PPP2R5B: variants seen among roughly 807,000 people sequenced by gnomAD.
PPP2R5B encodes protein phosphatase 2 regulatory subunit B'beta.
In PPP2R5B, 19 loss-of-function variants were observed where a neutral mutation model predicts 59.9. That is an observed-to-expected ratio of 0.32 (90% CI 0.22 to 0.47). PPP2R5B has a LOEUF of 0.47. PPP2R5B is among the 20% of genes least tolerant of loss of function. The probability of loss-of-function intolerance (pLI) is 1.00; values close to 1 mark genes in which losing one functional copy is unlikely to be tolerated. For missense variants in PPP2R5B, 441 were observed against 640.2 expected, an observed-to-expected ratio of 0.69 and a Z score of 3.36; for synonymous variants, 286 against 260.5, an observed-to-expected ratio of 1.10 and a Z score of -0.94.
In PPP2R5B at chr11:64,931,050, A is replaced by G. The variant is rs1209792815; in HGVS notation, c.892-386A>G. Among the ~76,000 whole-genome samples the G allele has an allele frequency of 6.6e-6, 1 of 152,026 alleles. No individual in the cohort carries two copies. Among genetic ancestry groups the G allele is most frequent in the Non-Finnish European group, 1.5e-5 (1 of 68,008 alleles). ...GCCACATGCCTGGCTAATTAAAAAAAATTTTTTTTTTGTAGAGACAGTGTC... is the reference window on the plus strand; with the variant it reads ...GCCACATGCCTGGCTAATTAAAAAAGATTTTTTTTTTGTAGAGACAGTGTC... On this transcript the variant is annotated intron_variant, in intron 8 of 13. Transcript: ENST00000164133. The surrounding 1 kb of genome is among the most constrained non-coding windows in gnomAD (Gnocchi z 5.0).
At chr11:64,920,714 C>T (rs1945101950), upstream of PPP2R5B, among the ~76,000 whole-genome samples, 1 of 150,046 alleles carries the variant, frequency 6.7e-6, no homozygotes, top group South Asian at 2.1e-4. Flanking sequence ...GCTGCAACTT[C>T]TGCCTCCTGG....
At chr11:64,932,980 G>A (rs1239298513) in intron 12 of PPP2R5B, 88 bp downstream of exon 12, 1 of 1,560,400 alleles carries the variant, frequency 6.4e-7, no homozygotes, top group Non-Finnish European at 8.8e-7. Context: ...CCTAGCTGGA[G>A]AATATCAGAG....
upstream of PPP2R5B, among the ~76,000 whole-genome samples, chr11:64,923,370 G>A (rs534228668): frequency 1.3e-5 from 2 of 152,314 alleles, no homozygotes; most frequent in Admixed American, 6.5e-5. Context: ...AGCTTGTTCA[G>A]GGATGCAGAA....
At chr11:64,929,616 C>T (rs1328388333) in intron 6 of PPP2R5B, among the ~76,000 whole-genome samples, 1 of 152,194 alleles carries the variant, frequency 6.6e-6, no homozygotes, top group East Asian at 1.9e-4. Flanking sequence ...ATCCCAGCTA[C>T]TCAGGAGGCT....
chr11:64,931,806 G>A lies in PPP2R5B; in HGVS notation c.1054G>A (p.Val352Met), dbSNP rs759647455. The A allele has an allele frequency of 6.2e-7, 1 of 1,614,062 alleles. No homozygotes were observed. Among genetic ancestry groups the A allele is most frequent in the East Asian group, 2.2e-5 (1 of 44,880 alleles). Residue 352 changes from valine (V) to methionine (M), a missense_variant, in exon 11 of 14, where the codon GTG becomes ATG. Physicochemically the swap from Val to Met is conservative, Grantham distance 21 (BLOSUM62 1). Coordinates refer to ENST00000164133, the MANE Select transcript of PPP2R5B (RefSeq NM_006244.4). The surrounding 1 kb of genome is among the most constrained non-coding windows in gnomAD (Gnocchi z 5.0). ...ILDVIEPSQF[V>M]KIQEPLFKQV... ...TGATGTCATCGAGCCCTCCCAGTTT[G>A]TGAAGATCCAGGAGCCCCTTTTTAA...
At chr11:64,933,316 G>A (rs1239987760) in intron 13 of PPP2R5B, 70 bp downstream of exon 13, 1 of 1,341,532 alleles carries the variant, frequency 7.5e-7, no homozygotes, top group Non-Finnish European at 1.1e-6. Flanking sequence ...ATGGCTGGAG[G>A]GAACCCGAGG....
At chr11:64,928,756 C>T (rs1280514030) in intron 6 of PPP2R5B, among the ~76,000 whole-genome samples, 2 of 152,126 alleles carry the variant, frequency 1.3e-5, no homozygotes, top group East Asian at 1.9e-4. Context: ...CGGTGGCGGG[C>T]GCCTGTAGTC....
rs944723889 is a variant in PPP2R5B, at chr11:64,934,467, G to A, written c.*623G>A. ...GCTGGGGGTAGACTTAATAAAGAGA[G>A]AAATTCAAGAACTGCTTGCTTTATT... is the stretch of plus-strand genomic sequence containing the variant. On this transcript the variant is annotated 3_prime_UTR_variant, in exon 14 of 14. Transcript: ENST00000164133. 1.0e-5 allele frequency: 5 copies of A among 477,678 alleles called. No homozygotes were observed. Among genetic ancestry groups the A allele is most frequent in the Non-Finnish European group, 1.9e-5 (5 of 262,984 alleles). 29.6% of individuals were successfully genotyped at this position (477,678 alleles called of 1,614,324 possible).
chr11:64,925,765 C>A lies in PPP2R5B; in HGVS notation c.31C>A (p.Pro11Thr). 7 of 1,591,944 alleles carry A rather than the reference C, an allele frequency of 4.4e-6. No homozygotes were observed. The highest frequency in any genetic ancestry group is 6.0e-6 in the Non-Finnish European group (7 of 1,166,618). The part of the protein sequence containing the change: METKLPPAST[P>T]TSPSSPGLSP... ...GACGAAGCTGCCCCCTGCAAGCACC[C>A]CCACTAGCCCCTCCTCCCCCGGGCT... The change falls in exon 2 of 14, where the codon CCC becomes ACC. Residue 11 changes from proline (P) to threonine (T), a missense_variant. Coordinates refer to ENST00000164133, the MANE Select transcript of PPP2R5B (RefSeq NM_006244.4). This position sits in a 1 kb window ranked among gnomAD's most constrained non-coding sequence, Gnocchi z 4.6.
chr11:64,924,272 C>T (rs1945135296), upstream of PPP2R5B: 1 of 152,434 alleles, frequency 6.6e-6, no homozygotes, highest in African/African-American at 2.4e-5. Flanking sequence ...CAAGGGGTTT[C>T]TGAAGTGTCT....
At position 64,934,188 on chromosome 11, in the gene PPP2R5B, G is replaced by T; in HGVS notation, c.*344G>T. ...GGCAAGGGCACTCAGCGCCTCGCCT[G>T]CCCCTGCCTTGGCCAATGCGAGGTC... On this transcript the variant is annotated 3_prime_UTR_variant, in exon 14 of 14. Coordinates refer to ENST00000164133, the MANE Select transcript of PPP2R5B (RefSeq NM_006244.4). 2 of 283,184 alleles carry T rather than the reference G, an allele frequency of 7.1e-6. No homozygotes were observed. Among genetic ancestry groups the T allele is most frequent in the Non-Finnish European group, 1.3e-5 (2 of 152,150 alleles). 17.5% of individuals were successfully genotyped at this position (283,184 alleles called of 1,614,324 possible).
upstream of PPP2R5B, among the ~76,000 whole-genome samples, chr11:64,922,807 G>A (rs564541194): frequency 4.6e-5 from 7 of 151,730 alleles, no homozygotes; most frequent in East Asian, 1.9e-4. Flanking sequence ...CCCAGGAGGC[G>A]GAGCTTGCAG....
In PPP2R5B at chr11:64,926,242, C is replaced by T. The variant is rs561723765; in HGVS notation, c.199+309C>T. Among the ~76,000 whole-genome samples, 434 of 152,354 alleles carry T rather than the reference C, an allele frequency of 2.8e-3. 2 individuals are homozygous for T. The highest frequency in any genetic ancestry group is 0.01 in the African/African-American group (419 of 41,578). ...CTATCAGCCCAGCCAGCTGCCAGATCCCTGGAGCAGGCGCTTGGCAGGGTT... is the reference window on the plus strand; with the variant it reads ...CTATCAGCCCAGCCAGCTGCCAGATTCCTGGAGCAGGCGCTTGGCAGGGTT... On this transcript the variant is annotated intron_variant, in intron 2 of 13. Transcript: ENST00000164133.
chr11:64,927,759 CT>C, intron 3 of PPP2R5B, 42 bp from the exon 4 acceptor site: 1 of 1,414,570 alleles, frequency 7.1e-7, no homozygotes, highest in Non-Finnish European at 1.0e-6. Flanking sequence ...TGGCTTCTGT[CT>C]TCAAGGGCTT....
At position 64,931,916 on chromosome 11, in the gene PPP2R5B, G is replaced by A. The variant is rs538627200; in HGVS notation, c.1116+48G>A. 6.3e-7 allele frequency: 1 copy of A among 1,594,684 alleles called. No individual in the cohort carries two copies. ...ATGGGAGCAGGGCTGGCCTGGAAAGGTTGGGTAGCTGACCTAATAAAGCTC... is the reference window on the plus strand; with the variant it reads ...ATGGGAGCAGGGCTGGCCTGGAAAGATTGGGTAGCTGACCTAATAAAGCTC... On this transcript the variant is annotated intron_variant, in intron 11 of 13. Coordinates refer to ENST00000164133, the MANE Select transcript of PPP2R5B (RefSeq NM_006244.4). The surrounding 1 kb of genome is among the most constrained non-coding windows in gnomAD (Gnocchi z 5.0).
chr11:64,921,990 G>A (rs369182054), upstream of PPP2R5B, among the ~76,000 whole-genome samples: 428 of 152,134 alleles, frequency 2.8e-3, 14 homozygotes, highest in South Asian at 0.083. Flanking sequence ...CAAGGCGAGA[G>A]GATCACTTGA....
chr11:64,933,116 TCTC>T lies in PPP2R5B; in HGVS notation c.1245-25_1245-23del, dbSNP rs575715995. On this transcript the variant is annotated intron_variant, in intron 12 of 13. Transcript: ENST00000164133. ...AGGTGGGCAAACCAAAGCTGTTTCA[TCTC>T]CTCATCCCTCCTTGACACTGCCAAG... 5.3e-4 allele frequency: 832 copies of T among 1,574,208 alleles called. 4 individuals carry two copies. Among genetic ancestry groups the T allele is most frequent in the Non-Finnish European group, 3.3e-5 (38 of 1,144,712 alleles).
Position 64,927,900 on chromosome 11 carries a change from G to A in PPP2R5B, c.495G>A (p.Leu165=). 6.2e-7 allele frequency: 1 copy of A among 1,601,652 alleles called. No individual in the cohort carries two copies. Among genetic ancestry groups the A allele is most frequent in the South Asian group, 1.1e-5 (1 of 90,766 alleles). The change falls in exon 4 of 14, where the codon CTG becomes CTA. Residue 165 remains leucine, a synonymous_variant. Transcript: ENST00000164133. ...EPNLEPSWPH[L]QLVYEFFLRF... is the part of the protein sequence containing the mutation. ...ATCTTGAGCCTTCGTGGCCACACCTGCAGGTCTGAAGGGTTGGGGAAGACA... is the reference window on the plus strand; with the variant it reads ...ATCTTGAGCCTTCGTGGCCACACCTACAGGTCTGAAGGGTTGGGGAAGACA...
chr11:64,929,823 T>C (rs1447419012), intron 6 of PPP2R5B, among the ~76,000 whole-genome samples: 3 of 152,216 alleles, frequency 2.0e-5, no homozygotes, highest in Non-Finnish European at 4.4e-5. Flanking sequence ...GCATAGCTCC[T>C]GGACTGAGGC....
Sources: allele counts gnomAD v4.1 joint callset (sites outside exome capture counted in the v4.1 genomes callset), GRCh38; gene constraint gnomAD v4.1.1; non-coding constraint Gnocchi (gnomAD v3.1); transcripts MANE v1.5; gene names NCBI Gene and HGNC (gene_info 2026-07-23, HGNC 2026-07-21).